Variants in NPAS3 observed in about 807,000 individuals in gnomAD.
NPAS3 encodes the protein neuronal PAS domain-containing protein 3.
In NPAS3, 14 loss-of-function variants were observed where a neutral mutation model predicts 73.1. That is an observed-to-expected ratio of 0.19 (90% CI 0.13 to 0.30). The LOEUF (loss-of-function observed/expected upper bound fraction) is 0.30. NPAS3 is among the 10% of genes least tolerant of loss of function. NPAS3 has a pLI of 1.00. For synonymous variants in NPAS3, 620 were observed against 541.5 expected, an observed-to-expected ratio of 1.14 and a Z score of -2.01; for missense variants, 1,096 against 1,250.0, an observed-to-expected ratio of 0.88 and a Z score of 1.86.
intron 5 of NPAS3, among the ~76,000 whole-genome samples, chr14:33,649,270 C>G (rs781557030): frequency 6.6e-6 from 1 of 152,182 alleles, no homozygotes; most frequent in African/African-American, 2.4e-5. Flanking sequence ...TGAAATAAGG[C>G]ACTTACAGCA....
intron 3 of NPAS3, among the ~76,000 whole-genome samples, chr14:33,289,930 G>A (rs2042031960): frequency 6.6e-6 from 1 of 151,886 alleles, no homozygotes; most frequent in South Asian, 2.1e-4. Context: ...AGAAATTCCT[G>A]TCTGATACGC....
intron 3 of NPAS3, among the ~76,000 whole-genome samples, chr14:33,337,411 G>A (rs1316006829): frequency 2.0e-5 from 3 of 152,126 alleles, no homozygotes; most frequent in East Asian, 1.9e-4. Context: ...TACACATGAG[G>A]TTTTGTTTCT....
rs148198153 is a variant in NPAS3 at position 33,041,959 on chromosome 14, T to C, written c.51-13946T>C. Among the ~76,000 whole-genome samples, 551 of 152,150 alleles carry C rather than the reference T, an allele frequency of 3.6e-3. 5 individuals are homozygous for C. The highest frequency in any genetic ancestry group is 0.013 in the African/African-American group (533 of 41,512). ...GATACCATCTTGGGAAGCATGAGAG[T>C]TGGTTTCCTGAGAAAGGAACTCAGA... On this transcript the variant is annotated intron_variant, in intron 1 of 11. Transcript: ENST00000356141.
chr14:32,943,653 T>C (rs532939173), intron 1 of NPAS3, among the ~76,000 whole-genome samples: 20 of 152,014 alleles, frequency 1.3e-4, no homozygotes, highest in African/African-American at 4.3e-4. Flanking sequence ...GTCTTCATAT[T>C]TGGGGATTTC....
chr14:33,161,857 T>C (rs2044901489), intron 2 of NPAS3, among the ~76,000 whole-genome samples: 1 of 149,496 alleles, frequency 6.7e-6, no homozygotes, highest in South Asian at 2.1e-4. Flanking sequence ...GGATAAGGAA[T>C]GTTGCATACA....
intron 4 of NPAS3, among the ~76,000 whole-genome samples, chr14:33,541,528 A>G (rs2054519867): frequency 6.6e-6 from 1 of 152,162 alleles, no homozygotes. Flanking sequence ...CACAGGTTAC[A>G]CTTTTCTTAG....
intron 5 of NPAS3, among the ~76,000 whole-genome samples, chr14:33,648,508 A>C (rs1174223946): frequency 1.3e-5 from 2 of 152,240 alleles, no homozygotes; most frequent in African/African-American, 2.4e-5. Context: ...ATCTAAGAAA[A>C]AGTGTCTAAA....
chr14:33,396,113 A>T (rs999875570), intron 4 of NPAS3, among the ~76,000 whole-genome samples: 5 of 152,138 alleles, frequency 3.3e-5, no homozygotes, highest in African/African-American at 1.2e-4. Context: ...GATAGTGAAG[A>T]CTTTGTGAAC....
At chr14:33,598,515 G>C (rs2057310462) in intron 5 of NPAS3, among the ~76,000 whole-genome samples, 1 of 152,226 alleles carries the variant, frequency 6.6e-6, no homozygotes, top group African/African-American at 2.4e-5. Flanking sequence ...AGTAGGCTTT[G>C]AAGAAAATGC....
chr14:33,448,996 A>T (rs1289924166), intron 4 of NPAS3, among the ~76,000 whole-genome samples: 3 of 152,196 alleles, frequency 2.0e-5, no homozygotes, highest in Non-Finnish European at 4.4e-5. Context: ...GGGCACTTAA[A>T]GGAGGAGGAA....
intron 4 of NPAS3, among the ~76,000 whole-genome samples, chr14:33,515,349 T>TATATGC (rs1341185926): frequency 6.6e-6 from 1 of 152,088 alleles, no homozygotes; most frequent in Non-Finnish European, 1.5e-5. Context: ...TTCATAAATA[T>TATATGC]ATATGCATGT....
At chr14:33,274,020 C>T (rs1473952900) in intron 3 of NPAS3, among the ~76,000 whole-genome samples, 3 of 152,118 alleles carry the variant, frequency 2.0e-5, no homozygotes, top group Admixed American at 2.0e-4. Flanking sequence ...ATCGGACAGC[C>T]CCCTTTCCCC....
At chr14:33,629,391 A>G (rs2058316398) in intron 5 of NPAS3, among the ~76,000 whole-genome samples, 1 of 152,164 alleles carries the variant, frequency 6.6e-6, no homozygotes, top group Non-Finnish European at 1.5e-5. Flanking sequence ...TTCACATTAG[A>G]GTTTGTTCTG....
chr14:33,114,707 C>T (rs1053017685), intron 2 of NPAS3, among the ~76,000 whole-genome samples: 6 of 152,014 alleles, frequency 3.9e-5, no homozygotes, highest in Non-Finnish European at 7.4e-5. Context: ...GTCATGGTCA[C>T]GTTAAACTCT....
chr14:32,985,230 G>A (rs1431348702), intron 1 of NPAS3, among the ~76,000 whole-genome samples: 1 of 152,166 alleles, frequency 6.6e-6, no homozygotes, highest in African/African-American at 2.4e-5. Context: ...AATGGGCTTG[G>A]TGACTGTGGT....
At chr14:33,482,750 A>G (rs1002866135) in intron 4 of NPAS3, among the ~76,000 whole-genome samples, 2 of 151,764 alleles carry the variant, frequency 1.3e-5, no homozygotes, top group African/African-American at 4.8e-5. Context: ...TCTTTGCCCA[A>G]CCTTCACCCC....
At chr14:33,049,943 G>GT (rs922422609) in intron 1 of NPAS3, among the ~76,000 whole-genome samples, 6 of 152,266 alleles carry the variant, frequency 3.9e-5, no homozygotes, top group African/African-American at 1.4e-4. Context: ...TGCCCTCTTA[G>GT]TTTTTTTGCT....
rs145495647 is a variant in NPAS3, at chr14:33,174,521, G to A, written c.141-40661G>A. Among the ~76,000 whole-genome samples the A allele has an allele frequency of 5.2e-3, 788 of 152,294 alleles. 3 individuals are homozygous for A. Among genetic ancestry groups the A allele is most frequent in the Non-Finnish European group, 8.2e-3 (556 of 68,014 alleles). On this transcript the variant is annotated intron_variant, in intron 2 of 11. Transcript: ENST00000356141. Reference sequence around the variant, plus strand: ...ATAACTCCCAAGGAGCTAAGTAAATGTTTGTGTCTGTTGTGCCTCATTTTA... The same window carrying A: ...ATAACTCCCAAGGAGCTAAGTAAATATTTGTGTCTGTTGTGCCTCATTTTA...
At chr14:33,200,680 T>TA (rs2046580609) in intron 2 of NPAS3, among the ~76,000 whole-genome samples, 1 of 152,320 alleles carries the variant, frequency 6.6e-6, no homozygotes, top group Admixed American at 6.5e-5. Flanking sequence ...GATTTTACAT[T>TA]AAAAAATCTG....
Sources: gnomAD v4.1 joint callset for allele counts (sites outside exome capture counted in the v4.1 genomes callset) on GRCh38, gnomAD v4.1.1 for gene constraint, MANE v1.5 for transcripts, NCBI Gene and HGNC (gene_info 2026-07-23, HGNC 2026-07-21) for gene names.